The following ITIH1 variants were observed in gnomAD, a reference collection of about 807,000 sequenced individuals.
ITIH1 encodes the protein inter-alpha-trypsin inhibitor heavy chain H1.
In ITIH1, 94 loss-of-function variants were observed where a neutral mutation model predicts 104.6. The observed-to-expected ratio is 0.90, with a 90% CI of 0.76 to 1.07. The LOEUF (loss-of-function observed/expected upper bound fraction) is 1.07, where lower values mean the gene tolerates loss of function less well. Among genes scored for constraint, ITIH1 ranks in the 50% least tolerant of loss-of-function variants. The probability of loss-of-function intolerance (pLI) is 0.00; values close to 1 mark genes in which losing one functional copy is unlikely to be tolerated. For missense variants in ITIH1, 1,193 were observed against 1,181.4 expected (o/e 1.01, Z -0.14); for synonymous variants, 455 against 464.4 (o/e 0.98, Z 0.26).
chr3:52,777,924 C>G, intron 1 of ITIH1, 73 bp from the exon 2 acceptor site: 3 of 1,577,496 alleles, frequency 1.9e-6, no homozygotes, highest in Non-Finnish European at 2.6e-6. Context: ...GTGTTCCACT[C>G]CCATCCCTGA....
At chr3:52,778,279 G>C (rs1387211966) in intron 2 of ITIH1, 61 bp from the exon 3 acceptor site, 4 of 1,547,682 alleles carry the variant, frequency 2.6e-6, no homozygotes, top group Middle Eastern at 1.7e-4. Flanking sequence ...CCGTACCACA[G>C]GAAGTCCCTC....
rs1290693156 is a variant in ITIH1 at position 52,787,337 on chromosome 3, G to A, written c.1903+135G>A. 9.1e-6 allele frequency: 12 copies of A among 1,315,852 alleles called. No individual in the cohort carries two copies. In the African/African-American group the frequency reaches 1.6e-4, roughly 18 times the overall value. The allele number at this position is 1,315,852 out of a possible 1,614,324, so 81.5% of individuals were successfully genotyped here. On this transcript the variant is annotated intron_variant, in intron 15 of 21. Transcript: ENST00000273283. ...ACTCCTTCCCGTTCTTCCGTCCCCT[G>A]AGCCGCCCTTCTCCACATCACCGCG...
rs1183552935 is a variant in ITIH1 at position 52,788,293 on chromosome 3, C to T, written c.2067C>T (p.Asn689=). 1 of 1,611,832 alleles carries T rather than the reference C, an allele frequency of 6.2e-7. No individual in the cohort carries two copies. ...VPQKEDTLCF[N]INEEPGVILS... ...AGAAAGAGGACACCCTGTGCTTCAA[C>T]ATCAATGAGGAGCCTGGTGTTATCC... The change falls in exon 18 of 22, where the codon AAC becomes AAT. Residue 689 remains asparagine (N), a synonymous_variant. Coordinates refer to ENST00000273283, the MANE Select transcript of ITIH1 (RefSeq NM_002215.4).
chr3:52,782,067 TGA>T lies in ITIH1; in HGVS notation c.813+4_813+5del. Reference sequence around the variant, plus strand: ...CGAGACAAGATCTGCGACCTCCTGGTGAGCCCTGAGCTTCTGGCTCAGCACCC... The same window carrying T: ...CGAGACAAGATCTGCGACCTCCTGGTGCCCTGAGCTTCTGGCTCAGCACCC... On this transcript the variant is annotated splice_donor_region_variant and intron_variant, in intron 7 of 21. Coordinates refer to ENST00000273283, the MANE Select transcript of ITIH1 (RefSeq NM_002215.4). The T allele has an allele frequency of 3.1e-6, 5 of 1,614,172 alleles. No homozygotes were observed. The highest frequency in any genetic ancestry group is 4.2e-6 in the Non-Finnish European group (5 of 1,180,024).
At chr3:52,789,920 T>C (rs751012943) in intron 19 of ITIH1, 66 bp downstream of exon 19, 79 of 1,512,340 alleles carry the variant, frequency 5.2e-5, no homozygotes, top group Non-Finnish European at 6.5e-5. Flanking sequence ...CTCTGCTGAG[T>C]CTGCAGGGCC....
intron 16 of ITIH1, 36 bp downstream of exon 16, chr3:52,787,648 C>A (rs558621479): frequency 6.2e-7 from 1 of 1,610,058 alleles, no homozygotes; most frequent in Non-Finnish European, 8.5e-7. Context: ...CACATCTCTA[C>A]CCCTCCTTGA....
rs1698958126 is a variant in ITIH1 at position 52,778,459 on chromosome 3, CT to C, written c.260del (p.Phe87SerfsTer27). 6.2e-7 allele frequency: 1 copy of C among 1,614,128 alleles called. No homozygotes were observed. The highest frequency in any genetic ancestry group is 1.3e-5 in the African/African-American group (1 of 74,946). ...NTANEAREVA[F>X]DLEIPKTAFI... The stretch of plus-strand genomic sequence containing the variant: ...CTGCCAATGAAGCCAGGGAAGTGGC[CT>C]TCGACCTGGAAATCCCCAAGACAGC... On this transcript the variant is annotated frameshift_variant, in exon 3 of 22. Transcript: ENST00000273283. LOFTEE classifies it high-confidence loss of function.
intron 13 of ITIH1, 72 bp from the exon 14 acceptor site, chr3:52,786,873 A>C: frequency 6.9e-7 from 1 of 1,458,034 alleles, no homozygotes; most frequent in Non-Finnish European, 9.3e-7. Context: ...TGAATGAATA[A>C]GTGAATGGAT....
Position 52,783,087 on chromosome 3 carries a change from C to A in ITIH1, c.1061C>A (p.Ala354Glu), listed in dbSNP as rs141031414. 3.7e-6 allele frequency: 6 copies of A among 1,613,996 alleles called. No individual in the cohort carries two copies. Among genetic ancestry groups the A allele is most frequent in the Non-Finnish European group, 5.1e-6 (6 of 1,180,038 alleles). The change falls in exon 9 of 22, where the codon GCA becomes GAA. Residue 354 changes from alanine (A) to glutamate (E), a missense_variant. Coordinates refer to ENST00000273283, the MANE Select transcript of ITIH1 (RefSeq NM_002215.4). ...LVQASEANLQAAQDFVRGFSL... is the reference protein window; with the variant it reads ...LVQASEANLQEAQDFVRGFSL... ...CAAGCATCTGAGGCCAACCTACAAG[C>A]AGCTCAAGACTTTGTGCGGGGCTTT...
chr3:52,781,290 T>TTCTTCC (rs1699051110), intron 6 of ITIH1, among the ~76,000 whole-genome samples: 4 of 71,832 alleles, frequency 5.6e-5, no homozygotes, highest in South Asian at 7.0e-4. Context: ...CTTCTTCCTC[T>TTCTTCC]TCTTCTTCTT....
intron 21 of ITIH1, 38 bp from the exon 22 acceptor site, chr3:52,791,744 G>T (rs750607786): frequency 1.2e-6 from 2 of 1,606,960 alleles, no homozygotes; most frequent in Non-Finnish European, 8.5e-7. Flanking sequence ...TGCCCTACTG[G>T]TCCGAAGGGT....
In ITIH1 at chr3:52,782,238, G is replaced by A; in HGVS notation, c.901G>A (p.Gly301Ser). The A allele has an allele frequency of 6.2e-7, 1 of 1,614,146 alleles. No homozygotes were observed. The highest frequency in any genetic ancestry group is 8.5e-7 in the Non-Finnish European group (1 of 1,179,998). ...CGTGGTTTTTGTGATTGACATCAGT[G>A]GCTCCATGAGAGGCCAGAAAGTGAA... ...KNVVFVIDIS[G>S]SMRGQKVKQT... Residue 301 changes from glycine (G) to serine (S), a missense_variant, in exon 8 of 22, where the codon GGC (glycine) becomes AGC (serine). Transcript: ENST00000273283.
rs1298974627 is a variant in ITIH1 at position 52,778,266 on chromosome 3, T to C, written c.139-74T>C. The C allele has an allele frequency of 7.5e-6, 11 of 1,475,758 alleles. No individual in the cohort carries two copies. The Admixed American group carries it at 1.7e-4, about 23-fold the overall frequency. 91.4% of individuals were successfully genotyped at this position (1,475,758 alleles called of 1,614,324 possible). Reference sequence around the variant, plus strand: ...CCATGCACTGGGGCTAAGTGCCAAGTCCCCGTACCACAGGAAGTCCCTCGC... The same window carrying C: ...CCATGCACTGGGGCTAAGTGCCAAGCCCCCGTACCACAGGAAGTCCCTCGC... On this transcript the variant is annotated intron_variant, in intron 2 of 21. Transcript: ENST00000273283.
Position 52,780,293 on chromosome 3 carries a change from CA to C in ITIH1, c.599del (p.Gln200ArgfsTer39). ...GATTGATGTGGACATCTTCGAGCCC[CA>C]GGGGATCAGCAAGCTGGATGCCCAG... Reference protein sequence around the residue: ...FEIDVDIFEPQGISKLDAQAS... With the variant: ...FEIDVDIFEPXGISKLDAQAS... On this transcript the variant is annotated frameshift_variant, in exon 6 of 22. Coordinates refer to ENST00000273283, the MANE Select transcript of ITIH1 (RefSeq NM_002215.4). LOFTEE classifies it high-confidence loss of function. The C allele has an allele frequency of 6.2e-7, 1 of 1,613,870 alleles. No homozygotes were observed. Among genetic ancestry groups the C allele is most frequent in the Non-Finnish European group, 8.5e-7 (1 of 1,179,832 alleles).
chr3:52,784,532 T>A (rs1326436549), intron 11 of ITIH1, 55 bp downstream of exon 11: 1 of 1,552,576 alleles, frequency 6.4e-7, no homozygotes, highest in Non-Finnish European at 8.8e-7. Flanking sequence ...GAGCCCTGCC[T>A]TGGTGGCCGT....
Position 52,778,458 on chromosome 3 carries a change from C to G in ITIH1, c.257C>G (p.Ala86Gly), listed in dbSNP as rs777752634. Residue 86 changes from alanine (A) to glycine (G), a missense_variant, in exon 3 of 22, where the codon GCC becomes GGC. Coordinates refer to ENST00000273283, the MANE Select transcript of ITIH1 (RefSeq NM_002215.4). ...VNTANEAREV[A>G]FDLEIPKTAF... is the part of the protein sequence containing the mutation. ...ACTGCCAATGAAGCCAGGGAAGTGG[C>G]CTTCGACCTGGAAATCCCCAAGACA... 3.1e-6 allele frequency: 5 copies of G among 1,614,116 alleles called. No homozygotes were observed. The highest frequency in any genetic ancestry group is 4.2e-6 in the Non-Finnish European group (5 of 1,180,050).
At chr3:52,790,541 G>A (rs1699325644) in intron 19 of ITIH1, 1 of 552,766 alleles carries the variant, frequency 1.8e-6, no homozygotes, top group African/African-American at 1.9e-5. Context: ...AGTTTGCACA[G>A]AGGGCTTAGC....
chr3:52,784,409 A>G lies in ITIH1; in HGVS notation c.1339A>G (p.Met447Val). 6.2e-7 allele frequency: 1 copy of G among 1,614,172 alleles called. No individual in the cohort carries two copies. The highest frequency in any genetic ancestry group is 1.1e-5 in the South Asian group (1 of 91,078). ...HNVDFNFLEV[M>V]SMENNGRAQR... ...TGTGGACTTTAACTTTCTGGAGGTC[A>G]TGTCCATGGAGAACAACGGACGGGC... Residue 447 changes from methionine to valine, a missense_variant, in exon 11 of 22, where the codon ATG becomes GTG. Coordinates refer to ENST00000273283, the MANE Select transcript of ITIH1 (RefSeq NM_002215.4).
intron 2 of ITIH1, 25 bp downstream of exon 2, chr3:52,778,042 G>C (rs748842149): frequency 6.2e-7 from 1 of 1,613,342 alleles, no homozygotes; most frequent in African/African-American, 1.3e-5. Context: ...TGGCAAAGGG[G>C]TCTGTGACAG....
Sources: gnomAD v4.1 joint callset for allele counts (sites outside exome capture counted in the v4.1 genomes callset) on GRCh38, gnomAD v4.1.1 for gene constraint, MANE v1.5 for transcripts, NCBI Gene and HGNC (gene_info 2026-07-23, HGNC 2026-07-21) for gene names.